Variants in GRM3 observed in about 807,000 individuals in gnomAD.
The protein encoded by GRM3 is glutamate metabotropic receptor 3.
Under a neutral mutation model 70.5 loss-of-function variants are expected in GRM3, and 26 were observed. The ratio of observed to expected loss-of-function variants is 0.37; its 90% confidence interval spans 0.27 to 0.51. GRM3 has a LOEUF of 0.51. Ranked by LOEUF, GRM3 falls within the 20% of genes least tolerant of loss-of-function variation. The pLI is 0.93. For missense variants in GRM3, 859 were observed against 1,123.8 expected (o/e 0.76, Z 3.37); for synonymous variants, 443 against 434.9 (o/e 1.02, Z -0.23).
chr7:86,833,728 G>C (rs1055483538), intron 3 of GRM3, among the ~76,000 whole-genome samples: 22 of 152,032 alleles, frequency 1.4e-4, no homozygotes, highest in Admixed American at 1.3e-3. Context: ...TTTTCTTCTT[G>C]GTTCTTATTT....
At chr7:86,717,440 A>G (rs1795344252) in intron 1 of GRM3, among the ~76,000 whole-genome samples, 1 of 152,010 alleles carries the variant, frequency 6.6e-6, no homozygotes, top group Non-Finnish European at 1.5e-5. Flanking sequence ...GCAAGTGGCT[A>G]TCATTTGATC....
intron 5 of GRM3, among the ~76,000 whole-genome samples, chr7:86,862,545 T>C (rs1798980092): frequency 6.6e-6 from 1 of 152,092 alleles, no homozygotes; most frequent in Admixed American, 6.6e-5. Flanking sequence ...TTATAGCTTT[T>C]AATGGGCTCG....
intron 1 of GRM3, among the ~76,000 whole-genome samples, chr7:86,662,135 G>T (rs1046483953): frequency 4.0e-5 from 6 of 151,648 alleles, no homozygotes; most frequent in African/African-American, 1.5e-4. Context: ...TTCTTTTTTT[G>T]CTACAAATGG....
intron 3 of GRM3, among the ~76,000 whole-genome samples, chr7:86,824,984 C>A (rs537730141): frequency 6.6e-6 from 1 of 152,228 alleles, no homozygotes; most frequent in Non-Finnish European, 1.5e-5. Flanking sequence ...TAAAAAGGGA[C>A]AAAATAACCA....
chr7:86,849,759 A>AAGATTG (rs1221436277), intron 4 of GRM3, among the ~76,000 whole-genome samples: 1 of 152,176 alleles, frequency 6.6e-6, no homozygotes, highest in Non-Finnish European at 1.5e-5. Flanking sequence ...AGAGAACATG[A>AAGATTG]AGATTGAACA....
At chr7:86,733,186 C>A (rs1028668690) in intron 1 of GRM3, among the ~76,000 whole-genome samples, 4 of 151,808 alleles carry the variant, frequency 2.6e-5, no homozygotes, top group African/African-American at 7.3e-5. Context: ...TGCTGGCAGG[C>A]ATCTGTGGTC....
chr7:86,702,439 T>TC (rs1794965307), intron 1 of GRM3, among the ~76,000 whole-genome samples: 1 of 151,968 alleles, frequency 6.6e-6, no homozygotes, highest in East Asian at 1.9e-4. Context: ...CCAGCTCTAT[T>TC]TAAAATCACA....
chr7:86,821,388 T>C lies in GRM3; in HGVS notation c.1325-17451T>C, dbSNP rs548955687. Among the ~76,000 whole-genome samples the C allele has an allele frequency of 1.1e-4, 16 of 152,256 alleles. No individual in the cohort carries two copies. The South Asian group carries it at 3.3e-3, about 32-fold the overall frequency. ...GGAAACAGAGTCACTCACTCACTCATTTATTAACTCTTTCATTCAATAAAC... is the reference window on the plus strand; with the variant it reads ...GGAAACAGAGTCACTCACTCACTCACTTATTAACTCTTTCATTCAATAAAC... On this transcript the variant is annotated intron_variant, in intron 3 of 5. Coordinates refer to ENST00000361669, the MANE Select transcript of GRM3 (RefSeq NM_000840.3).
At chr7:86,663,177 C>G (rs1490687491) in intron 1 of GRM3, among the ~76,000 whole-genome samples, 1 of 151,784 alleles carries the variant, frequency 6.6e-6, no homozygotes, top group East Asian at 1.9e-4. Context: ...CCCTAGGGTA[C>G]TTCTACTTAT....
intron 1 of GRM3, among the ~76,000 whole-genome samples, chr7:86,754,957 A>C (rs1336671299): frequency 1.3e-5 from 2 of 152,132 alleles, no homozygotes; most frequent in African/African-American, 4.8e-5. Flanking sequence ...GCATTCTTTT[A>C]AGCCACTCTA....
intron 4 of GRM3, among the ~76,000 whole-genome samples, chr7:86,846,904 C>T (rs1287758753): frequency 6.6e-6 from 1 of 152,138 alleles, no homozygotes; most frequent in Non-Finnish European, 1.5e-5. Flanking sequence ...TTTTACTATA[C>T]TTACAAGGCA....
chr7:86,791,087 G>T (rs1029645469), intron 3 of GRM3, among the ~76,000 whole-genome samples: 1 of 152,292 alleles, frequency 6.6e-6, no homozygotes, highest in Admixed American at 6.5e-5. Context: ...TGTTCAGTAA[G>T]TGTTGATTTT....
intron 1 of GRM3, among the ~76,000 whole-genome samples, chr7:86,696,470 C>T (rs1046830296): frequency 6.6e-6 from 1 of 152,114 alleles, no homozygotes; most frequent in African/African-American, 2.4e-5. Context: ...AGAGGATAGC[C>T]CTGCTGACAC....
At chr7:86,690,901 T>G (rs1584168329) in intron 1 of GRM3, among the ~76,000 whole-genome samples, 1 of 152,172 alleles carries the variant, frequency 6.6e-6, no homozygotes, top group Non-Finnish European at 1.5e-5. Context: ...ATTATAGATA[T>G]TTGTTATGTT....
At chr7:86,722,415 T>C (rs866841264) in intron 1 of GRM3, among the ~76,000 whole-genome samples, 83 of 152,216 alleles carry the variant, frequency 5.5e-4, no homozygotes, top group African/African-American at 1.9e-3. Context: ...TGGAATACTA[T>C]GCAGCCATAA....
At chr7:86,696,192 T>C (rs1562828952) in intron 1 of GRM3, among the ~76,000 whole-genome samples, 1 of 152,190 alleles carries the variant, frequency 6.6e-6, no homozygotes, top group African/African-American at 2.4e-5. Context: ...CAAATCCCCA[T>C]AATCTGCAAT....
chr7:86,683,416 C>A (rs1318759324), intron 1 of GRM3, among the ~76,000 whole-genome samples: 2 of 152,126 alleles, frequency 1.3e-5, no homozygotes, highest in Non-Finnish European at 2.9e-5. Context: ...CACATCAATT[C>A]AGAGCTCAGA....
chr7:86,804,944 T>A (rs1412435882), intron 3 of GRM3, among the ~76,000 whole-genome samples: 2 of 152,252 alleles, frequency 1.3e-5, no homozygotes, highest in African/African-American at 2.4e-5. Flanking sequence ...AGATCCCAAC[T>A]CTACAAATTT....
intron 3 of GRM3, among the ~76,000 whole-genome samples, chr7:86,824,637 T>C (rs1318718516): frequency 2.0e-5 from 3 of 152,180 alleles, no homozygotes; most frequent in Non-Finnish European, 4.4e-5. Context: ...ACACACCTAG[T>C]TGGATATGTG....
Sources: gnomAD v4.1 joint callset for allele counts (sites outside exome capture counted in the v4.1 genomes callset) on GRCh38, gnomAD v4.1.1 for gene constraint, MANE v1.5 for transcripts, NCBI Gene and HGNC (gene_info 2026-07-23, HGNC 2026-07-21) for gene names.